IGSF3: variants seen among roughly 807,000 people sequenced by gnomAD.
IGSF3 encodes glu-Trp-Ile EWI motif-containing protein 3.
In IGSF3, 23 loss-of-function variants were observed where a neutral mutation model predicts 114.4. The ratio of observed to expected loss-of-function variants is 0.20; its 90% CI spans 0.14 to 0.28. IGSF3 has a LOEUF of 0.28. Ranked by LOEUF, IGSF3 falls within the 10% of genes least tolerant of loss-of-function variation. IGSF3 has a pLI of 1.00. For missense variants in IGSF3, 1,172 were observed against 1,591.5 expected, an observed-to-expected ratio of 0.74 and a Z score of 4.48; for synonymous variants, 571 against 645.2, an observed-to-expected ratio of 0.88 and a Z score of 1.74.
chr1:116,649,865 G>T lies in IGSF3; in HGVS notation c.43+16419C>A, dbSNP rs2101068283. 6.6e-6 allele frequency among the ~76,000 whole-genome samples: 1 copy of T among 152,256 alleles called. No homozygotes were observed. Among genetic ancestry groups the T allele is most frequent in the Admixed American group, 6.5e-5 (1 of 15,292 alleles). ...AGAATCTGTCCGTGGAATTAGTCAGGACATAATCTCCCTGTTTTTTGGCAG... is the reference window on the plus strand; with the variant it reads ...AGAATCTGTCCGTGGAATTAGTCAGTACATAATCTCCCTGTTTTTTGGCAG... On this transcript the variant is annotated intron_variant, in intron 2 of 10. Transcript: ENST00000369486. The surrounding 1 kb of genome is among the most constrained non-coding windows in gnomAD (Gnocchi z 4.5).
In IGSF3 at chr1:116,579,800, T is replaced by C. The variant is rs1659522923; in HGVS notation, c.2926A>G (p.Ile976Val). 6.2e-7 allele frequency: 1 copy of C among 1,614,004 alleles called. No individual in the cohort carries two copies. The highest frequency in any genetic ancestry group is 8.5e-7 in the Non-Finnish European group (1 of 1,180,000). Residue 976 changes from isoleucine (I) to valine (V), a missense_variant, in exon 10 of 11, where the codon ATC (isoleucine) becomes GTC (valine). Transcript: ENST00000369486. This position sits in a 1 kb window ranked among gnomAD's most constrained non-coding sequence, Gnocchi z 6.4. ...GAGTCCTGGCTGGAGCGGGACACGA[T>C]GCTACAGTCCAGCTGGAAAGCTGCC... is the stretch of plus-strand genomic sequence containing the variant. ...EKAAFQLDCS[I>V]VSRSSQDSRF...
Position 116,647,989 on chromosome 1 carries a change from A to G in IGSF3, c.43+18295T>C, listed in dbSNP as rs1408681592. Among the ~76,000 whole-genome samples, 2 of 152,300 alleles carry G rather than the reference A, an allele frequency of 1.3e-5. No individual in the cohort carries two copies. The highest frequency in any genetic ancestry group is 2.4e-5 in the African/African-American group (1 of 41,552). On this transcript the variant is annotated intron_variant, in intron 2 of 10. Transcript: ENST00000369486. This position sits in a 1 kb window ranked among gnomAD's most constrained non-coding sequence, Gnocchi z 4.6. ...TGTGATGGCACACGCCTGTAATCCT[A>G]GTTACTCGGGAGGCTGAGGCAGGAG...
At chr1:116,630,759 C>T (rs1286293138) in intron 2 of IGSF3, among the ~76,000 whole-genome samples, 3 of 152,176 alleles carry the variant, frequency 2.0e-5, no homozygotes, top group Admixed American at 2.0e-4. Context: ...TCAGGAAAGG[C>T]TTCACACAAG....
At position 116,594,656 on chromosome 1, in the gene IGSF3, T is replaced by C. The variant is rs1246391896; in HGVS notation, c.2029+5285A>G. The stretch of plus-strand genomic sequence containing the variant: ...GAATTCAAACCCAGGCCGTCTGGTC[T>C]GTCCTTGCTTTTAGCTATTACATAT... On this transcript the variant is annotated intron_variant, in intron 7 of 10. Transcript: ENST00000369486. This position sits in a 1 kb window ranked among gnomAD's most constrained non-coding sequence, Gnocchi z 5.2. Among the ~76,000 whole-genome samples the C allele has an allele frequency of 6.6e-6, 1 of 152,222 alleles. No homozygotes were observed. Among genetic ancestry groups the C allele is most frequent in the African/African-American group, 2.4e-5 (1 of 41,454 alleles).
At position 116,603,283 on chromosome 1, in the gene IGSF3, G is replaced by A. The variant is rs1660668233; in HGVS notation, c.1624+341C>T. ...GGCAGTGGCCATGCTCCTCCACCTG[G>A]GGCCACCACTATGGCTGGGTGGCTT... On this transcript the variant is annotated intron_variant, in intron 6 of 10. Coordinates refer to ENST00000369486, the MANE Select transcript of IGSF3 (RefSeq NM_001007237.3). The surrounding 1 kb of genome is among the most constrained non-coding windows in gnomAD (Gnocchi z 7.1). 6.6e-6 allele frequency among the ~76,000 whole-genome samples: 1 copy of A among 152,072 alleles called. No individual in the cohort carries two copies. Among genetic ancestry groups the A allele is most frequent in the African/African-American group, 2.4e-5 (1 of 41,414 alleles).
intron 5 of IGSF3, among the ~76,000 whole-genome samples, chr1:116,604,968 T>C (rs1294502457): frequency 6.6e-6 from 1 of 152,122 alleles, no homozygotes; most frequent in Non-Finnish European, 1.5e-5. Flanking sequence ...ACATAGTAGG[T>C]TTTCAAAAAC....
rs776036311 is a variant in IGSF3, at chr1:116,616,384, A to G, written c.117T>C (p.Thr39=). ...PLYRTEGSHI[T]IWCNVSGYQG... ...GGTAGCCACTCACATTGCACCAGAT[A>G]GTGATGTGGGAGCCCTCCGTGCGGT... The change falls in exon 3 of 11, where the codon ACT becomes ACC. Residue 39 remains threonine (T), a synonymous_variant. Transcript: ENST00000369486. This position sits in a 1 kb window ranked among gnomAD's most constrained non-coding sequence, Gnocchi z 6.6. 12 of 1,611,350 alleles carry G rather than the reference A, an allele frequency of 7.4e-6. No individual in the cohort carries two copies. Among genetic ancestry groups the G allele is most frequent in the African/African-American group, 1.3e-5 (1 of 74,864 alleles).
Position 116,584,143 on chromosome 1 carries a change from C to T in IGSF3, c.2848+502G>A, listed in dbSNP as rs1456324847. On this transcript the variant is annotated intron_variant, in intron 9 of 10. Transcript: ENST00000369486. This position sits in a 1 kb window ranked among gnomAD's most constrained non-coding sequence, Gnocchi z 5.8. ...GGCGGAGGTTGCAGTGAGCCGAGAT[C>T]GCACCACTGCACTCTGCACTCCAGC... 5.9e-5 allele frequency among the ~76,000 whole-genome samples: 9 copies of T among 151,808 alleles called. No homozygotes were observed. The highest frequency in any genetic ancestry group is 1.2e-4 in the Non-Finnish European group (8 of 67,982).
chr1:116,600,376 G>A lies in IGSF3; in HGVS notation c.1625-31C>T, dbSNP rs1276566868. 6.3e-7 allele frequency: 1 copy of A among 1,577,464 alleles called. No homozygotes were observed. The highest frequency in any genetic ancestry group is 8.6e-7 in the Non-Finnish European group (1 of 1,157,404). On this transcript the variant is annotated intron_variant, in intron 6 of 10. Transcript: ENST00000369486. This position sits in a 1 kb window ranked among gnomAD's most constrained non-coding sequence, Gnocchi z 5.5. ...GAGAAAGCAGAGAGATTCAACCAGA[G>A]GAGGCATGTGGCTTTCTCAGGGCAG...
rs537972838 is a variant in IGSF3 at position 116,579,159 on chromosome 1, T to C, written c.3334+233A>G. On this transcript the variant is annotated intron_variant, in intron 10 of 10. Transcript: ENST00000369486. The surrounding 1 kb of genome is among the most constrained non-coding windows in gnomAD (Gnocchi z 6.4). ...ATCTGGTAGAACATCGAGTTTATTATAAAGATTATATGGTATGTTATCACT... is the reference window on the plus strand; with the variant it reads ...ATCTGGTAGAACATCGAGTTTATTACAAAGATTATATGGTATGTTATCACT... Among the ~76,000 whole-genome samples the C allele has an allele frequency of 6.5e-4, 99 of 152,368 alleles. No homozygotes were observed. Among genetic ancestry groups the C allele is most frequent in the Non-Finnish European group, 1.2e-3 (79 of 68,042 alleles).
rs1449260975 is a variant in IGSF3 at position 116,634,708 on chromosome 1, G to A, written c.44-18251C>T. 3.9e-5 allele frequency among the ~76,000 whole-genome samples: 6 copies of A among 152,016 alleles called. No homozygotes were observed. In the East Asian group the frequency reaches 7.7e-4, roughly 20 times the overall value. ...CCATGGCTTTGACACTCCTTCCATC[G>A]AGAGGGCAGAACCTGTGTTTCCTCT... On this transcript the variant is annotated intron_variant, in intron 2 of 10. Transcript: ENST00000369486. The surrounding 1 kb of genome is among the most constrained non-coding windows in gnomAD (Gnocchi z 4.2).
Position 116,666,934 on chromosome 1 carries a change from G to T in IGSF3, c.-608C>A, listed in dbSNP as rs1271293536. ...AGTTGGCGTTCGGCAGCCCTGAAGC[G>T]GTACCCCAGCGCGAGCAGATTTCTA... On this transcript the variant is annotated 5_prime_UTR_variant, in exon 2 of 11. Coordinates refer to ENST00000369486, the MANE Select transcript of IGSF3 (RefSeq NM_001007237.3). 2.5e-6 allele frequency: 1 copy of T among 402,292 alleles called. No homozygotes were observed. The highest frequency in any genetic ancestry group is 4.4e-6 in the Non-Finnish European group (1 of 228,572). 24.9% of individuals were successfully genotyped at this position (402,292 alleles called of 1,614,324 possible).
rs1647832212 is a variant in IGSF3 at position 116,636,420 on chromosome 1, T to C, written c.44-19963A>G. Among the ~76,000 whole-genome samples the C allele has an allele frequency of 6.6e-6, 1 of 152,216 alleles. No homozygotes were observed. Among genetic ancestry groups the C allele is most frequent in the Non-Finnish European group, 1.5e-5 (1 of 68,032 alleles). The stretch of plus-strand genomic sequence containing the variant: ...AGGTTCTTATGCCTGGAAGAACTGC[T>C]GCTCTCCAATAGCATGAAGTAGACA... On this transcript the variant is annotated intron_variant, in intron 2 of 10. Transcript: ENST00000369486. This position sits in a 1 kb window ranked among gnomAD's most constrained non-coding sequence, Gnocchi z 4.5.
rs773672674 is a variant in IGSF3, at chr1:116,589,096, G to A, written c.2038C>T (p.Leu680=). ...GTCCTCTTCGATTTGCTCACCTGCA[G>A]CTTTGTCACTGCAAAGGAAAGGGGA... ...EIRVLQPVTK[L]QVSKSKRTLT... is the part of the protein sequence containing the mutation. The change falls in exon 8 of 11, where the codon CTG becomes TTG. Residue 680 remains leucine, a synonymous_variant. Coordinates refer to ENST00000369486, the MANE Select transcript of IGSF3 (RefSeq NM_001007237.3). This position sits in a 1 kb window ranked among gnomAD's most constrained non-coding sequence, Gnocchi z 5.7. 23 of 1,612,482 alleles carry A rather than the reference G, an allele frequency of 1.4e-5. No individual in the cohort carries two copies. The Admixed American group carries it at 3.7e-4, about 26-fold the overall frequency.
rs571462572 is a variant in IGSF3, at chr1:116,585,670, C to G, written c.2441-618G>C. Reference sequence around the variant, plus strand: ...GACAAGGTGGCTCACGCCTGTAATCCCAGCACTTTGGGACGCCGAGGTGGG... The same window carrying G: ...GACAAGGTGGCTCACGCCTGTAATCGCAGCACTTTGGGACGCCGAGGTGGG... On this transcript the variant is annotated intron_variant, in intron 8 of 10. Transcript: ENST00000369486. The surrounding 1 kb of genome is among the most constrained non-coding windows in gnomAD (Gnocchi z 4.9). 3.9e-5 allele frequency among the ~76,000 whole-genome samples: 6 copies of G among 152,312 alleles called. No individual in the cohort carries two copies. The highest frequency in any genetic ancestry group is 1.4e-4 in the African/African-American group (6 of 41,572).
rs192918280 is a variant in IGSF3 at position 116,577,023 on chromosome 1, T to A, written c.*289A>T. Reference sequence around the variant, plus strand: ...CATCTATCTGAGAATACTAGATAAATCTGTGAGTAGATGTGGCACCTGGAG... The same window carrying A: ...CATCTATCTGAGAATACTAGATAAAACTGTGAGTAGATGTGGCACCTGGAG... On this transcript the variant is annotated 3_prime_UTR_variant, in exon 11 of 11. Transcript: ENST00000369486. This position sits in a 1 kb window ranked among gnomAD's most constrained non-coding sequence, Gnocchi z 5.7. 163 of 385,700 alleles carry A rather than the reference T, an allele frequency of 4.2e-4. No individual in the cohort carries two copies. The highest frequency in any genetic ancestry group is 3.2e-3 in the African/African-American group (157 of 49,290). The allele number at this position is 385,700 out of a possible 1,614,324, so 23.9% of individuals were successfully genotyped here.
In IGSF3 at chr1:116,596,394, AAAG is replaced by A. The variant is rs1337812646; in HGVS notation, c.2029+3544_2029+3546del. Among the ~76,000 whole-genome samples the A allele has an allele frequency of 1.3e-5, 2 of 152,212 alleles. No homozygotes were observed. The highest frequency in any genetic ancestry group is 3.9e-4 in the East Asian group (2 of 5,188). ...AGGGGCAAGGTACGCAGGGAGAGCA[AAAG>A]AAGAGAGGACAGCGCTGGTTCGGAG... On this transcript the variant is annotated intron_variant, in intron 7 of 10. Coordinates refer to ENST00000369486, the MANE Select transcript of IGSF3 (RefSeq NM_001007237.3). The surrounding 1 kb of genome is among the most constrained non-coding windows in gnomAD (Gnocchi z 4.1).
rs1286223434 is a variant in IGSF3 at position 116,618,229 on chromosome 1, A to T, written c.44-1772T>A. Among the ~76,000 whole-genome samples the T allele has an allele frequency of 1.3e-5, 2 of 152,244 alleles. No homozygotes were observed. The highest frequency in any genetic ancestry group is 6.5e-5 in the Admixed American group (1 of 15,290). On this transcript the variant is annotated intron_variant, in intron 2 of 10. Coordinates refer to ENST00000369486, the MANE Select transcript of IGSF3 (RefSeq NM_001007237.3). This position sits in a 1 kb window ranked among gnomAD's most constrained non-coding sequence, Gnocchi z 4.7. ...CTTCAGCAGAATCAGGAAAAATACA[A>T]AATTGGCAGGGGAAGGAAATAAACA...
rs184918336 is a variant in IGSF3 at position 116,666,358 on chromosome 1, C to A, written c.-32G>T. 6,264 of 1,609,112 alleles carry A rather than the reference C, an allele frequency of 3.9e-3. 10 individuals are homozygous for A. Among genetic ancestry groups the A allele is most frequent in the Non-Finnish European group, 4.9e-3 (5,750 of 1,175,356 alleles). ...AGCCTCCAGGAGACACAACACAAGGCGCTTCCTCTTCTCCCAGCTCCTAAT... is the reference window on the plus strand; with the variant it reads ...AGCCTCCAGGAGACACAACACAAGGAGCTTCCTCTTCTCCCAGCTCCTAAT... On this transcript the variant is annotated 5_prime_UTR_variant, in exon 2 of 11. Transcript: ENST00000369486.
Sources: gnomAD v4.1 joint callset for allele counts (sites outside exome capture counted in the v4.1 genomes callset) on GRCh38, gnomAD v4.1.1 for gene constraint, Gnocchi (gnomAD v3.1) non-coding constraint, MANE v1.5 for transcripts, NCBI Gene and HGNC (gene_info 2026-07-23, HGNC 2026-07-21) for gene names.